CELSR1: variants seen among roughly 807,000 people sequenced by gnomAD.
CELSR1 encodes the protein cadherin EGF LAG seven-pass G-type receptor 1, also known as adhesion G protein-coupled receptor C1.
Under a neutral mutation model 249.1 loss-of-function variants are expected in CELSR1, and 110 were observed. The ratio of observed to expected loss-of-function variants is 0.44; its 90% CI spans 0.38 to 0.52. The LOEUF is 0.52. CELSR1 is among the 20% of genes least tolerant of loss of function. The pLI is 0.00. For missense variants in CELSR1, 4,109 were observed against 4,296.4 expected (o/e 0.96, Z 1.22); for synonymous variants, 2,113 against 1,900.0 (o/e 1.11, Z -2.92).
intron 14 of CELSR1, among the ~76,000 whole-genome samples, chr22:46,392,306 C>T (rs925684347): frequency 2.6e-5 from 4 of 152,152 alleles, no homozygotes; most frequent in Non-Finnish European, 2.9e-5. Flanking sequence ...GGCTGGTCAC[C>T]GGGACTCCCC....
intron 2 of CELSR1, among the ~76,000 whole-genome samples, chr22:46,442,548 G>C (rs7287935): frequency 1.2e-4 from 19 of 152,308 alleles, no homozygotes; most frequent in Admixed American, 3.3e-4. Flanking sequence ...TCCTGAGCTG[G>C]GGCCTGGAGT....
intron 5 of CELSR1, among the ~76,000 whole-genome samples, chr22:46,418,411 G>C (rs1205009112): frequency 1.3e-5 from 2 of 152,300 alleles, no homozygotes; most frequent in East Asian, 3.9e-4. Flanking sequence ...CTTGAACCCG[G>C]GAGACGGAGG....
intron 1 of CELSR1, among the ~76,000 whole-genome samples, chr22:46,514,962 A>T (rs1051450034): frequency 1.3e-5 from 2 of 152,128 alleles, no homozygotes; most frequent in Non-Finnish European, 2.9e-5. Flanking sequence ...GCCTCCCCAC[A>T]AAAGTGGCTC....
At chr22:46,491,056 G>A (rs2080362527) in intron 1 of CELSR1, among the ~76,000 whole-genome samples, 1 of 151,960 alleles carries the variant, frequency 6.6e-6, no homozygotes, top group Non-Finnish European at 1.5e-5. Context: ...TGCTCGCCAG[G>A]TCTCCTGAGG....
chr22:46,471,892 C>T lies in CELSR1; in HGVS notation c.3545-7547G>A, dbSNP rs1298403549. 6.6e-6 allele frequency among the ~76,000 whole-genome samples: 1 copy of T among 152,158 alleles called. No homozygotes were observed. Among genetic ancestry groups the T allele is most frequent in the Non-Finnish European group, 1.5e-5 (1 of 68,042 alleles). On this transcript the variant is annotated intron_variant, in intron 1 of 34. Coordinates refer to ENST00000674500, the MANE Select transcript of CELSR1 (RefSeq NM_001378328.1). The surrounding 1 kb of genome is among the most constrained non-coding windows in gnomAD (Gnocchi z 4.9). Reference sequence around the variant, plus strand: ...CTGTACAGTTTTCAGGGGCTGCGGTCTGTGGCCTTCAGGTGATGACGACTT... The same window carrying T: ...CTGTACAGTTTTCAGGGGCTGCGGTTTGTGGCCTTCAGGTGATGACGACTT...
At chr22:46,477,729 A>G (rs2080224087) in intron 1 of CELSR1, among the ~76,000 whole-genome samples, 1 of 151,872 alleles carries the variant, frequency 6.6e-6, no homozygotes, top group Non-Finnish European at 1.5e-5. Flanking sequence ...GATGGTCTCG[A>G]TCTCCTGACC....
chr22:46,494,750 G>A (rs554796915), intron 1 of CELSR1, among the ~76,000 whole-genome samples: 84 of 152,122 alleles, frequency 5.5e-4, no homozygotes, highest in African/African-American at 2.0e-3. Flanking sequence ...CAAGTGATCC[G>A]CCCGCCTCGG....
Position 46,367,864 on chromosome 22 carries a change from G to A in CELSR1, c.7953-9C>T, listed in dbSNP as rs941318190. 5.0e-6 allele frequency: 8 copies of A among 1,607,214 alleles called. No individual in the cohort carries two copies. The African/African-American group carries it at 8.0e-5, about 16-fold the overall frequency. Reference sequence around the variant, plus strand: ...CGGTCCTCAGCAGGGAGCTGCGGGAGGGCAGGATCAGGCCTGTGCCCATCG... The same window carrying A: ...CGGTCCTCAGCAGGGAGCTGCGGGAAGGCAGGATCAGGCCTGTGCCCATCG... On this transcript the variant is annotated splice_polypyrimidine_tract_variant and intron_variant, in intron 27 of 34. Coordinates refer to ENST00000674500, the MANE Select transcript of CELSR1 (RefSeq NM_001378328.1).
chr22:46,398,692 G>C lies in CELSR1; in HGVS notation c.5413-55C>G, dbSNP rs544764111. 7 of 1,395,850 alleles carry C rather than the reference G, an allele frequency of 5.0e-6. No homozygotes were observed. The African/African-American group carries it at 7.2e-5, about 14-fold the overall frequency. 86.5% of individuals were successfully genotyped at this position (1,395,850 alleles called of 1,614,324 possible). Reference sequence around the variant, plus strand: ...GGGCTGCATCCACCATCCTAGAAACGTCTCTCAGATGGGAAGGATACACTG... The same window carrying C: ...GGGCTGCATCCACCATCCTAGAAACCTCTCTCAGATGGGAAGGATACACTG... On this transcript the variant is annotated intron_variant, in intron 10 of 34. Coordinates refer to ENST00000674500, the MANE Select transcript of CELSR1 (RefSeq NM_001378328.1). This position sits in a 1 kb window ranked among gnomAD's most constrained non-coding sequence, Gnocchi z 7.2.
rs34467708 is a variant in CELSR1 at position 46,397,695 on chromosome 22, A to G, written c.5680T>C (p.Tyr1894His). The part of the protein sequence containing the change: ...NSRCHDAWED[Y>H]SCVCDKGYLG... ...CCACCTTTGTCACAGACGCAGCTGT[A>G]GTCCTCCCAGGCGTCGTGGCAGCGG... Residue 1894 changes from tyrosine to histidine, a missense_variant, in exon 12 of 35, where the codon TAC (tyrosine) becomes CAC (histidine). Physicochemically the swap from Tyr to His is moderately conservative, Grantham distance 83. Around this residue, in one of 7 missense-constraint regions of CELSR1, gnomAD observed 1,805 missense variants for 1,831.6 expected, o/e 0.99. Transcript: ENST00000674500. The G allele has an allele frequency of 4.7e-3, 7,263 of 1,551,886 alleles. 264 individuals are homozygous for G. In the African/African-American group the frequency reaches 0.082, roughly 17 times the overall value.
chr22:46,388,488 G>A (rs1289416415), intron 18 of CELSR1, among the ~76,000 whole-genome samples: 1 of 151,944 alleles, frequency 6.6e-6, no homozygotes, highest in Non-Finnish European at 1.5e-5. Context: ...GTCTCTGGCG[G>A]CCTTATGCAG....
In CELSR1 at chr22:46,517,039, T is replaced by C. The variant is rs374269656; in HGVS notation, c.3544+16588A>G. ...GGATGAGCTGGGCTCATCCACTTCC[T>C]GAGGCTGGTGACTCTGGGGGAAGAA... On this transcript the variant is annotated intron_variant, in intron 1 of 34. Coordinates refer to ENST00000674500, the MANE Select transcript of CELSR1 (RefSeq NM_001378328.1). This position sits in a 1 kb window ranked among gnomAD's most constrained non-coding sequence, Gnocchi z 5.4. Among the ~76,000 whole-genome samples the C allele has an allele frequency of 2.3e-3, 358 of 152,358 alleles. 24 individuals are homozygous for C. The South Asian group carries it at 0.072, about 31-fold the overall frequency.
At chr22:46,421,670 C>T (rs554589072) in intron 5 of CELSR1, among the ~76,000 whole-genome samples, 2,317 of 152,368 alleles carry the variant, frequency 0.015, 58 homozygotes, top group African/African-American at 0.052. Context: ...ACCCCTCTAT[C>T]GGCTTCTATG....
In CELSR1 at chr22:46,436,066, G is replaced by C; in HGVS notation, c.4522+108C>G. On this transcript the variant is annotated intron_variant, in intron 4 of 34. Coordinates refer to ENST00000674500, the MANE Select transcript of CELSR1 (RefSeq NM_001378328.1). The surrounding 1 kb of genome is among the most constrained non-coding windows in gnomAD (Gnocchi z 5.9). ...CAGCTTCCTAGACCTACAAGTGAGG[G>C]ATGAAAGGGTAAGCAGCTTGGAGGC... 1 of 775,644 alleles carries C rather than the reference G, an allele frequency of 1.3e-6. No homozygotes were observed. Among genetic ancestry groups the C allele is most frequent in the Non-Finnish European group, 2.1e-6 (1 of 465,230 alleles). 48.0% of individuals were successfully genotyped at this position (775,644 alleles called of 1,614,324 possible).
At chr22:46,495,640 A>G (rs2080405620) in intron 1 of CELSR1, among the ~76,000 whole-genome samples, 2 of 151,820 alleles carry the variant, frequency 1.3e-5, no homozygotes, top group Non-Finnish European at 2.9e-5. Context: ...GTTCGAGACC[A>G]GCCTAGCTAA....
chr22:46,384,424 C>G lies in CELSR1; in HGVS notation c.6883+119G>C, dbSNP rs2079010419. ...CAACAGGACCTGGCACCAGAGAGCA[C>G]TCGGAACACTCTGGCCCAGATCTTC... On this transcript the variant is annotated intron_variant, in intron 20 of 34. Transcript: ENST00000674500. 4.0e-6 allele frequency: 5 copies of G among 1,241,000 alleles called. No homozygotes were observed. The South Asian group carries it at 8.9e-5, about 22-fold the overall frequency. The allele number at this position is 1,241,000 out of a possible 1,614,324, so 76.9% of individuals were successfully genotyped here. A position where few individuals can be genotyped will look rare whatever the true frequency, so the allele number is the denominator to read the frequency against.
In CELSR1 at chr22:46,448,333, G is replaced by A. The variant is rs977820917; in HGVS notation, c.4184-8922C>T. 2.6e-5 allele frequency among the ~76,000 whole-genome samples: 4 copies of A among 152,140 alleles called. No individual in the cohort carries two copies. The highest frequency in any genetic ancestry group is 9.7e-5 in the African/African-American group (4 of 41,436). Reference sequence around the variant, plus strand: ...GAGGGGATGCTGATGTGAACCCCTGGCTCAAGAGCTCCAGAACTTACCCCT... The same window carrying A: ...GAGGGGATGCTGATGTGAACCCCTGACTCAAGAGCTCCAGAACTTACCCCT... On this transcript the variant is annotated intron_variant, in intron 2 of 34. Coordinates refer to ENST00000674500, the MANE Select transcript of CELSR1 (RefSeq NM_001378328.1). The surrounding 1 kb of genome is among the most constrained non-coding windows in gnomAD (Gnocchi z 5.7).
chr22:46,465,134 G>C (rs931545171), intron 1 of CELSR1, among the ~76,000 whole-genome samples: 1 of 152,132 alleles, frequency 6.6e-6, no homozygotes, highest in Non-Finnish European at 1.5e-5. Context: ...AGACGTTCAG[G>C]GGGTGGGTCA....
At chr22:46,475,411 G>A (rs534178978) in intron 1 of CELSR1, among the ~76,000 whole-genome samples, 10 of 152,184 alleles carry the variant, frequency 6.6e-5, no homozygotes, top group East Asian at 1.9e-4. Context: ...GAGAGGTCCC[G>A]AGAACAGTCA....
Sources: gnomAD v4.1 joint callset for allele counts (sites outside exome capture counted in the v4.1 genomes callset) on GRCh38, gnomAD v4.1.1 for gene constraint, gnomAD v4.1.1 regional missense constraint, Gnocchi (gnomAD v3.1) non-coding constraint, MANE v1.5 for transcripts, NCBI Gene and HGNC (gene_info 2026-07-23, HGNC 2026-07-21) for gene names.